Variants in LAMA2 observed in about 807,000 individuals in gnomAD.
LAMA2 encodes the protein laminin subunit alpha-2.
A neutral mutation model predicts 364.8 loss-of-function variants in LAMA2; 269 were observed. That is an observed-to-expected ratio of 0.74 (90% confidence interval 0.67 to 0.82). LAMA2 has a LOEUF of 0.82. Ranked by LOEUF, LAMA2 falls within the 40% of genes least tolerant of loss-of-function variation. The probability of loss-of-function intolerance (pLI) is 0.00; values close to 1 mark genes in which losing one functional copy is unlikely to be tolerated. For missense variants in LAMA2, 3,807 were observed against 3,873.2 expected (o/e 0.98, Z 0.45); for synonymous variants, 1,379 against 1,370.6 (o/e 1.01, Z -0.14).
intron 12 of LAMA2, among the ~76,000 whole-genome samples, chr6:129,218,031 C>A (rs265358): frequency 0.93 from 141,936 of 152,188 alleles, 66,981 homozygotes; most frequent in East Asian, 1. Flanking sequence ...GTCATGACAT[C>A]TTTTAACATA....
chr6:129,096,699 C>A (rs927577805), intron 3 of LAMA2, among the ~76,000 whole-genome samples: 22 of 152,110 alleles, frequency 1.4e-4, no homozygotes, highest in South Asian at 8.3e-4. Flanking sequence ...GGTTGGGCAG[C>A]AGTGATTTGT....
chr6:129,070,727 G>T (rs1773255697), intron 3 of LAMA2, among the ~76,000 whole-genome samples: 2 of 152,018 alleles, frequency 1.3e-5, no homozygotes, highest in African/African-American at 2.4e-5. Context: ...CAACCTTTCT[G>T]CAACTTTCCA....
At chr6:129,261,563 G>A (rs527378191) in intron 15 of LAMA2, among the ~76,000 whole-genome samples, 1 of 152,246 alleles carries the variant, frequency 6.6e-6, no homozygotes, top group Non-Finnish European at 1.5e-5. Context: ...CCTTGACAGA[G>A]CGCATGGCTA....
chr6:129,459,670 C>G (rs1174141782), intron 48 of LAMA2, among the ~76,000 whole-genome samples: 33 of 152,014 alleles, frequency 2.2e-4, no homozygotes, highest in Non-Finnish European at 4.9e-4. Context: ...TTTAAAAAAT[C>G]TCTTCTATGT....
intron 14 of LAMA2, 70 bp downstream of exon 14, chr6:129,252,365 G>C: frequency 8.3e-7 from 1 of 1,202,938 alleles, no homozygotes; most frequent in South Asian, 1.2e-5. Context: ...AGCCGCCCCA[G>C]GAGTGAATTT....
At chr6:129,461,777 C>T (rs546260093) in intron 49 of LAMA2, among the ~76,000 whole-genome samples, 4 of 149,372 alleles carry the variant, frequency 2.7e-5, no homozygotes, top group South Asian at 4.3e-4. Flanking sequence ...CCTATGTATA[C>T]GTAGGGTGTT....
At chr6:128,896,950 G>A (rs115891538) in intron 1 of LAMA2, among the ~76,000 whole-genome samples, 51 of 152,276 alleles carry the variant, frequency 3.3e-4, no homozygotes, top group African/African-American at 1.2e-3. Flanking sequence ...CCTAACTATG[G>A]GCCAGCACTG....
intron 32 of LAMA2, among the ~76,000 whole-genome samples, chr6:129,354,291 G>T (rs1196511539): frequency 6.6e-6 from 1 of 152,054 alleles, no homozygotes; most frequent in Non-Finnish European, 1.5e-5. Flanking sequence ...AAAAAGTTAA[G>T]ACTGGGTGTT....
At chr6:129,179,735 ATATCT>A (rs749568797) in intron 10 of LAMA2, among the ~76,000 whole-genome samples, 3 of 152,338 alleles carry the variant, frequency 2.0e-5, no homozygotes, top group Non-Finnish European at 4.4e-5. Flanking sequence ...CTACCATGTG[ATATCT>A]TAAATAGAAA....
chr6:128,977,255 C>G (rs1782587485), intron 1 of LAMA2, among the ~76,000 whole-genome samples: 1 of 144,214 alleles, frequency 6.9e-6, no homozygotes, highest in African/African-American at 2.6e-5. Context: ...TCTTTCTTTT[C>G]TTTATTCTTT....
At chr6:128,963,851 A>G (rs9492161) in intron 1 of LAMA2, among the ~76,000 whole-genome samples, 19,381 of 152,092 alleles carry the variant, frequency 0.13, 1,535 homozygotes, top group African/African-American at 0.23. Flanking sequence ...GAAATTAATC[A>G]TCTGAATAGT....
At chr6:129,511,395 C>T (rs73777305) in intron 62 of LAMA2, among the ~76,000 whole-genome samples, 1,860 of 151,752 alleles carry the variant, frequency 0.012, 44 homozygotes, top group African/African-American at 0.042. Flanking sequence ...TTTATTTTTT[C>T]GTTTATTTCC....
rs1365657711 is a variant in LAMA2 at position 128,943,269 on chromosome 6, C to CACAGAGAGAGAGAGAG, written c.112+59913_112+59914insCAGAGAGAGAGAGAGA. On this transcript the variant is annotated intron_variant, in intron 1 of 64. Coordinates refer to ENST00000421865, the MANE Select transcript of LAMA2 (RefSeq NM_000426.4). ...GAGAGAGTGTGTGTGTATATATACA[C>CACAGAGAGAGAGAGAG]AGAGAGAGAGAGAGAGAGAGAGAGA... 5.0e-3 allele frequency among the ~76,000 whole-genome samples: 720 copies of CACAGAGAGAGAGAGAG among 143,154 alleles called. 18 individuals are homozygous for CACAGAGAGAGAGAGAG. Among genetic ancestry groups the CACAGAGAGAGAGAGAG allele is most frequent in the African/African-American group, 0.018 (695 of 38,586 alleles). The allele number at this position is 143,154 out of a possible 152,430, so 93.9% of individuals were successfully genotyped here.
chr6:129,316,749 C>T (rs1030301023), intron 27 of LAMA2, among the ~76,000 whole-genome samples: 19 of 152,294 alleles, frequency 1.2e-4, no homozygotes, highest in African/African-American at 4.1e-4. Flanking sequence ...TCCGTGTTTT[C>T]TTATGACCAA....
intron 9 of LAMA2, among the ~76,000 whole-genome samples, chr6:129,167,409 G>A (rs529601477): frequency 7.7e-4 from 116 of 150,418 alleles, no homozygotes; most frequent in Non-Finnish European, 1.6e-3. Flanking sequence ...AGAATATGTG[G>A]TGTTTGGTTT....
intron 29 of LAMA2, among the ~76,000 whole-genome samples, chr6:129,337,154 A>C (rs887751703): frequency 2.0e-5 from 3 of 152,210 alleles, no homozygotes; most frequent in African/African-American, 7.2e-5. Flanking sequence ...GTTTAGGGGA[A>C]AGAACAGAGG....
intron 1 of LAMA2, among the ~76,000 whole-genome samples, chr6:129,023,699 A>G (rs1317786890): frequency 6.6e-6 from 1 of 152,032 alleles, no homozygotes; most frequent in African/African-American, 2.4e-5. Context: ...CCATGTTTCT[A>G]TCTGGTTTAC....
chr6:129,139,954 TCTG>T (rs1364416394), intron 4 of LAMA2, among the ~76,000 whole-genome samples: 3 of 152,106 alleles, frequency 2.0e-5, no homozygotes, highest in African/African-American at 7.2e-5. Context: ...TTCATCCACT[TCTG>T]CTACTTATTT....
intron 33 of LAMA2, 23 bp from the exon 34 acceptor site, chr6:129,369,869 T>G (rs1319207395): frequency 6.2e-7 from 1 of 1,604,074 alleles, no homozygotes; most frequent in Admixed American, 1.7e-5. Context: ...CTAAAAATGT[T>G]TATGGGATGG....
Sources: gnomAD v4.1 joint callset for allele counts (sites outside exome capture counted in the v4.1 genomes callset) on GRCh38, gnomAD v4.1.1 for gene constraint, MANE v1.5 for transcripts, NCBI Gene and HGNC (gene_info 2026-07-23, HGNC 2026-07-21) for gene names.